Variants in CUEDC1 observed in about 807,000 individuals in gnomAD.
CUEDC1 encodes the protein CUE domain-containing protein 1.
Under a neutral mutation model 43.7 loss-of-function variants are expected in CUEDC1, and 30 were observed. The ratio of observed to expected loss-of-function variants is 0.69; its 90% CI spans 0.51 to 0.93. CUEDC1 has a LOEUF of 0.93. CUEDC1 is among the 40% of genes least tolerant of loss of function. CUEDC1 has a pLI of 0.00. For synonymous variants in CUEDC1, 223 were observed against 223.6 expected, an observed-to-expected ratio of 1.00 and a Z score of 0.02; for missense variants, 486 against 549.0, an observed-to-expected ratio of 0.89 and a Z score of 1.15.
intron 1 of CUEDC1, among the ~76,000 whole-genome samples, chr17:57,901,728 G>A (rs1254187621): frequency 1.3e-5 from 2 of 152,194 alleles, no homozygotes; most frequent in Non-Finnish European, 2.9e-5. Flanking sequence ...GGATGTAGCC[G>A]GAACGGCCCC....
intron 1 of CUEDC1, among the ~76,000 whole-genome samples, chr17:57,944,196 T>C (rs35973573): frequency 7.0e-6 from 1 of 143,212 alleles, no homozygotes; most frequent in Non-Finnish European, 1.5e-5. Context: ...TTATTTATTT[T>C]TTTATATATA....
Position 57,885,822 on chromosome 17 carries a change from G to A in CUEDC1, c.-258C>T. 1 of 368,636 alleles carries A rather than the reference G, an allele frequency of 2.7e-6. No individual in the cohort carries two copies. The highest frequency in any genetic ancestry group is 4.8e-5 in the East Asian group (1 of 20,650). 22.8% of individuals were successfully genotyped at this position (368,636 alleles called of 1,614,324 possible). ...CGGGACCGGGCCGTGCTGGGGCTGG[G>A]CGGCCGGTCATCCACACCCCCGGTG... On this transcript the variant is annotated 5_prime_UTR_variant, in exon 2 of 11. Transcript: ENST00000577830.
chr17:57,947,693 C>G (rs773810621), intron 1 of CUEDC1, among the ~76,000 whole-genome samples: 105 of 152,022 alleles, frequency 6.9e-4, no homozygotes, highest in Middle Eastern at 6.8e-3. Flanking sequence ...CCCAGCTTCT[C>G]GGGAGGCTGA....
chr17:57,897,807 G>C (rs372784495), intron 1 of CUEDC1, among the ~76,000 whole-genome samples: 1 of 152,084 alleles, frequency 6.6e-6, no homozygotes, highest in Admixed American at 6.5e-5. Context: ...GAGGTCAGGA[G>C]TTTGAGACCA....
chr17:57,867,271 G>A, intron 9 of CUEDC1, 86 bp downstream of exon 9: 1 of 1,273,854 alleles, frequency 7.9e-7, no homozygotes, highest in Non-Finnish European at 1.1e-6. Context: ...GGACAGGGCG[G>A]GTGCTCCCAT....
At position 57,889,987 on chromosome 17, in the gene CUEDC1, G is replaced by A. The variant is rs189929350; in HGVS notation, c.-315-4108C>T. 2.5e-3 allele frequency among the ~76,000 whole-genome samples: 387 copies of A among 152,320 alleles called. 1 individual carries two copies. The highest frequency in any genetic ancestry group is 7.8e-3 in the African/African-American group (323 of 41,572). On this transcript the variant is annotated intron_variant, in intron 1 of 10. Coordinates refer to ENST00000577830, the MANE Select transcript of CUEDC1 (RefSeq NM_001271875.2). ...AAATGAAAAGCAGTTTAAAATACAC[G>A]AAAGGATTAAAGCAAGTAGGCGACA...
At chr17:57,939,572 G>C (rs550457144) in intron 1 of CUEDC1, among the ~76,000 whole-genome samples, 1 of 152,050 alleles carries the variant, frequency 6.6e-6, no homozygotes, top group Non-Finnish European at 1.5e-5. Context: ...GAACCATTTC[G>C]CCTGACCTGA....
chr17:57,947,081 C>T (rs561466094), intron 1 of CUEDC1, among the ~76,000 whole-genome samples: 7 of 151,556 alleles, frequency 4.6e-5, no homozygotes, highest in Admixed American at 1.3e-4. Context: ...AGCCTGATCA[C>T]CCTACATGAC....
chr17:57,935,654 C>T (rs535087050), intron 1 of CUEDC1, among the ~76,000 whole-genome samples: 1 of 152,182 alleles, frequency 6.6e-6, no homozygotes, highest in Non-Finnish European at 1.5e-5. Context: ...CCACAGGGAA[C>T]AAAACAAGGC....
chr17:57,872,865 G>T lies in CUEDC1; in HGVS notation c.592-10C>A, dbSNP rs762063231. On this transcript the variant is annotated splice_polypyrimidine_tract_variant and intron_variant, in intron 4 of 10. Transcript: ENST00000577830. ...GGCCCCCAGCGTTACCCTGAGGAGG[G>T]AAGCGAGCATGTTGAATGTGTACAC... 8.7e-6 allele frequency: 14 copies of T among 1,607,680 alleles called. No homozygotes were observed. The highest frequency in any genetic ancestry group is 8.5e-7 in the Non-Finnish European group (1 of 1,177,904).
At chr17:57,873,071 T>C (rs2074058409) in intron 4 of CUEDC1, among the ~76,000 whole-genome samples, 2 of 152,130 alleles carry the variant, frequency 1.3e-5, no homozygotes, top group Admixed American at 6.5e-5. Flanking sequence ...AAAACTATTT[T>C]TCCCCCACGC....
At chr17:57,884,903 G>T (rs1568035671) in intron 2 of CUEDC1, among the ~76,000 whole-genome samples, 1 of 152,188 alleles carries the variant, frequency 6.6e-6, no homozygotes, top group Non-Finnish European at 1.5e-5. Context: ...GTTGGGGTGG[G>T]GCCCAGGCAC....
At chr17:57,939,777 C>G (rs1236760864) in intron 1 of CUEDC1, among the ~76,000 whole-genome samples, 1 of 152,206 alleles carries the variant, frequency 6.6e-6, no homozygotes, top group African/African-American at 2.4e-5. Flanking sequence ...CATCAAGGCT[C>G]AGACACCATT....
rs1295183195 is a variant in CUEDC1, at chr17:57,879,749, G to C, written c.337-11C>G. The C allele has an allele frequency of 6.3e-7, 1 of 1,590,044 alleles. No homozygotes were observed. The highest frequency in any genetic ancestry group is 1.4e-5 in the African/African-American group (1 of 73,322). On this transcript the variant is annotated splice_polypyrimidine_tract_variant and intron_variant, in intron 2 of 10. Coordinates refer to ENST00000577830, the MANE Select transcript of CUEDC1 (RefSeq NM_001271875.2). ...AGTCCTTTCCAAGATCTAAATCAGA[G>C]GCAACAGAGAAAGAAATATTAATCA...
chr17:57,887,898 CTT>C (rs748886251), intron 1 of CUEDC1, among the ~76,000 whole-genome samples: 7 of 118,026 alleles, frequency 5.9e-5, no homozygotes, highest in Non-Finnish European at 7.1e-5. Context: ...TTCTTTTTCT[CTT>C]TTTTTTTTTT....
chr17:57,948,380 C>T (rs943160138), intron 1 of CUEDC1, among the ~76,000 whole-genome samples: 8 of 152,112 alleles, frequency 5.3e-5, no homozygotes, highest in South Asian at 2.1e-4. Flanking sequence ...TGAGCACCCC[C>T]GGGTGATGCT....
chr17:57,936,411 T>C (rs1169964083), intron 1 of CUEDC1, among the ~76,000 whole-genome samples: 1 of 152,186 alleles, frequency 6.6e-6, no homozygotes, highest in African/African-American at 2.4e-5. Context: ...GGCTCCACAG[T>C]TTCGCAATGG....
intron 1 of CUEDC1, among the ~76,000 whole-genome samples, chr17:57,934,570 A>ACT (rs1165354234): frequency 7.7e-6 from 1 of 129,264 alleles, no homozygotes; most frequent in Non-Finnish European, 1.5e-5. Flanking sequence ...AAAAAAAAAA[A>ACT]AAAAAAAAAA....
chr17:57,952,234 T>C (rs945848452), intron 1 of CUEDC1, among the ~76,000 whole-genome samples: 2 of 150,896 alleles, frequency 1.3e-5, no homozygotes, highest in East Asian at 3.9e-4. Context: ...TTATTTATGT[T>C]TTTTTTTTGG....
Sources: allele counts gnomAD v4.1 joint callset (sites outside exome capture counted in the v4.1 genomes callset), GRCh38; gene constraint gnomAD v4.1.1; transcripts MANE v1.5; gene names NCBI Gene and HGNC (gene_info 2026-07-23, HGNC 2026-07-21).